Variants in COL6A3 observed in about 807,000 individuals in gnomAD.
The protein encoded by COL6A3 is collagen alpha-3(VI) chain.
In COL6A3, 137 loss-of-function variants were observed where a neutral mutation model predicts 274.1. The observed-to-expected ratio is 0.50, with a 90% CI of 0.44 to 0.58. The LOEUF (loss-of-function observed/expected upper bound fraction) is 0.58, where lower values mean the gene tolerates loss of function less well. Among genes scored for constraint, COL6A3 ranks in the 20% least tolerant of loss-of-function variants. The probability of loss-of-function intolerance (pLI) is 0.00; values close to 1 mark genes in which losing one functional copy is unlikely to be tolerated. For synonymous variants in COL6A3, 1,650 were observed against 1,650.6 expected (o/e 1.00, Z 0.01); for missense variants, 3,950 against 4,124.9 (o/e 0.96, Z 1.16).
rs977591902 is a variant in COL6A3 at position 237,324,158 on chromosome 2, A to G, written c.*616T>C. On this transcript the variant is annotated 3_prime_UTR_variant, in exon 44 of 44. Transcript: ENST00000295550. ...AGGAATGCCAAAAATATTCTCTATT[A>G]CAACTTTTTTAAATTCTTTAATTAA... The G allele has an allele frequency of 6.6e-6, 1 of 152,246 alleles. No homozygotes were observed. The highest frequency in any genetic ancestry group is 2.4e-5 in the African/African-American group (1 of 41,330). The allele number at this position is 152,246 out of a possible 1,614,324, so 9.4% of individuals were successfully genotyped here. A position where few individuals can be genotyped will look rare whatever the true frequency, so the allele number is the denominator to read the frequency against.
rs1448160267 is a variant in COL6A3 at position 237,381,223 on chromosome 2, T to G, written c.1589A>C (p.Asp530Ala). The G allele has an allele frequency of 6.2e-7, 1 of 1,614,096 alleles. No homozygotes were observed. Among genetic ancestry groups the G allele is most frequent in the Non-Finnish European group, 8.5e-7 (1 of 1,180,056 alleles). Residue 530 changes from aspartate to alanine, a missense_variant, in exon 5 of 44, where the codon GAC becomes GCC. By Grantham distance (126) the Asp-to-Ala change is moderately radical (BLOSUM62 -2). Transcript: ENST00000295550. Reference sequence around the variant, plus strand: ...CGTGAATAGGTTGTTACGAACAAAGTCTAGAGCAGAGCCCGTGTACAGGGC... The same window carrying G: ...CGTGAATAGGTTGTTACGAACAAAGGCTAGAGCAGAGCCCGTGTACAGGGC... ...GSALYTGSAL[D>A]FVRNNLFTSS...
In COL6A3 at chr2:237,381,471, G is replaced by A. The variant is rs1243506652; in HGVS notation, c.1341C>T (p.Val447=). ...GTGCAGATGAGCCATCCACCAGGAA[G>A]ACTATGTCTCTCTTGTTGACTTCAA... is the stretch of plus-strand genomic sequence containing the variant. ...QVIEVNKRDI[V]FLVDGSSALG... The change falls in exon 5 of 44, where the codon GTC becomes GTT. Residue 447 remains valine (V), a synonymous_variant. Transcript: ENST00000295550. 6.2e-7 allele frequency: 1 copy of A among 1,605,614 alleles called. No individual in the cohort carries two copies. The highest frequency in any genetic ancestry group is 8.5e-7 in the Non-Finnish European group (1 of 1,180,006).
At chr2:237,324,913 G>T in intron 43 of COL6A3, 99 bp from the exon 44 acceptor site, 1 of 1,234,068 alleles carries the variant, frequency 8.1e-7, no homozygotes, top group South Asian at 1.2e-5. Context: ...TCATTATCAT[G>T]ACACAGTCCC....
chr2:237,334,692 G>C lies in COL6A3; in HGVS notation c.9163C>G (p.His3055Asp). Residue 3055 changes from histidine to aspartate, a missense_variant, in exon 41 of 44, where the codon CAT (histidine) becomes GAT (aspartate). Transcript: ENST00000295550. ...IGGLLAGQTY[H>D]VAVVCYLRSQ... is the part of the protein sequence containing the mutation. ...CTCAGGTAGCAGACCACAGCCACAT[G>C]GTATGTCTGCCCAGCGAGCAGGCCT... 1 of 1,613,962 alleles carries C rather than the reference G, an allele frequency of 6.2e-7. No individual in the cohort carries two copies. Among genetic ancestry groups the C allele is most frequent in the Non-Finnish European group, 8.5e-7 (1 of 1,180,040 alleles).
At chr2:237,380,031 G>A (rs533767916) in intron 5 of COL6A3, among the ~76,000 whole-genome samples, 5 of 152,346 alleles carry the variant, frequency 3.3e-5, no homozygotes, top group Admixed American at 2.6e-4. Context: ...CTTCCCTGAT[G>A]CCCTACTGTA....
intron 25 of COL6A3, 80 bp from the exon 26 acceptor site, chr2:237,352,664 A>C: frequency 7.4e-7 from 1 of 1,354,208 alleles, no homozygotes; most frequent in South Asian, 1.2e-5. Flanking sequence ...TGCCCATCCC[A>C]CAGGGCCTGG....
Position 237,340,516 on chromosome 2 carries a change from C to T in COL6A3, c.8400G>A (p.Lys2800=), listed in dbSNP as rs750159070. 6.2e-7 allele frequency: 1 copy of T among 1,614,190 alleles called. No individual in the cohort carries two copies. The highest frequency in any genetic ancestry group is 1.7e-5 in the Admixed American group (1 of 60,028). The stretch of plus-strand genomic sequence containing the variant: ...AAGGCTCCTCGTTGAGCTCGGTGGA[C>T]TTGTCCACTAATTTGAAGAAGACGT... ...PNDVFFKLVD[K]STELNEEPLM... Residue 2800 remains lysine (K), a synonymous_variant, in exon 38 of 44, where the codon AAG becomes AAA. Coordinates refer to ENST00000295550, the MANE Select transcript of COL6A3 (RefSeq NM_004369.4).
At chr2:237,391,167 C>T (rs1001917206) in intron 3 of COL6A3, among the ~76,000 whole-genome samples, 1 of 152,162 alleles carries the variant, frequency 6.6e-6, no homozygotes, top group Non-Finnish European at 1.5e-5. Context: ...GATTATTATC[C>T]TATGTTTTTG....
chr2:237,341,825 G>GC (rs1233647108), intron 37 of COL6A3, among the ~76,000 whole-genome samples: 1 of 152,192 alleles, frequency 6.6e-6, no homozygotes, highest in Admixed American at 6.5e-5. Flanking sequence ...AGCAGAAACT[G>GC]CCTCCTCCTT....
intron 30 of COL6A3, among the ~76,000 whole-genome samples, chr2:237,348,117 G>C (rs532451811): frequency 1.6e-4 from 24 of 152,286 alleles, no homozygotes; most frequent in Admixed American, 1.4e-3. Context: ...AGAGTACTTT[G>C]ATTGCAGCAT....
chr2:237,389,161 G>T (rs534765157), intron 3 of COL6A3, among the ~76,000 whole-genome samples: 1 of 152,268 alleles, frequency 6.6e-6, no homozygotes, highest in South Asian at 2.1e-4. Flanking sequence ...ATGGCAAACA[G>T]AGAATTCCCA....
chr2:237,361,834 A>G lies in COL6A3; in HGVS notation c.6064-3T>C. On this transcript the variant is annotated splice_polypyrimidine_tract_variant and splice_region_variant and intron_variant, in intron 14 of 43. Coordinates refer to ENST00000295550, the MANE Select transcript of COL6A3 (RefSeq NM_004369.4). This position sits in a 1 kb window ranked among gnomAD's most constrained non-coding sequence, Gnocchi z 5.1. Reference sequence around the variant, plus strand: ...CAAGCTTTCTCGGCAATGTTGTCCTACCGAAAGGAAGAGAAACCAAATGTT... The same window carrying G: ...CAAGCTTTCTCGGCAATGTTGTCCTGCCGAAAGGAAGAGAAACCAAATGTT... The G allele has an allele frequency of 6.2e-7, 1 of 1,613,822 alleles. No individual in the cohort carries two copies. The highest frequency in any genetic ancestry group is 8.5e-7 in the Non-Finnish European group (1 of 1,179,726).
intron 25 of COL6A3, 102 bp from the exon 26 acceptor site, chr2:237,352,686 T>C: frequency 8.5e-7 from 1 of 1,170,336 alleles, no homozygotes; most frequent in Non-Finnish European, 1.3e-6. Context: ...ACCTCACTTC[T>C]GCTGGCCAAA....
chr2:237,348,034 T>C (rs1484424386), intron 30 of COL6A3, among the ~76,000 whole-genome samples, 165 bp from the exon 31 acceptor site: 1 of 152,226 alleles, frequency 6.6e-6, no homozygotes, highest in Admixed American at 6.5e-5. Context: ...ATATTTGTGG[T>C]ATTTGCAGAT....
chr2:237,388,056 G>T lies in COL6A3; in HGVS notation c.838C>A (p.Arg280=), dbSNP rs549047014. ...TCGCTAAACTGGACCACCCCCACTC[G>T]GATCTGCTGAGTTCCAATTGGGAGT... The part of the protein sequence containing the change: ...EKLPIGTQQI[R]VGVVQFSDEP... The change falls in exon 4 of 44, where the codon CGA becomes AGA. Residue 280 remains arginine (R), a synonymous_variant. Transcript: ENST00000295550. 1 of 1,614,198 alleles carries T rather than the reference G, an allele frequency of 6.2e-7. No individual in the cohort carries two copies. The highest frequency in any genetic ancestry group is 1.7e-5 in the Admixed American group (1 of 60,018).
Position 237,341,008 on chromosome 2 carries a change from A to G in COL6A3, c.7908T>C (p.Asn2636=), listed in dbSNP as rs886044691. The change falls in exon 38 of 44, where the codon AAT becomes AAC. Residue 2636 remains asparagine, a synonymous_variant. Coordinates refer to ENST00000295550, the MANE Select transcript of COL6A3 (RefSeq NM_004369.4). ...SAETTTLFQF[N]EMKKYIAYLV... ...GGTACGCTATGTACTTCTTCATCTC[A>G]TTGAACTGGAACAGGGTGGTGGTCT... 2.5e-6 allele frequency: 4 copies of G among 1,611,322 alleles called. No individual in the cohort carries two copies. The highest frequency in any genetic ancestry group is 3.4e-6 in the Non-Finnish European group (4 of 1,177,486).
rs769667715 is a variant in COL6A3 at position 237,376,833 on chromosome 2, T to A, written c.3009A>T (p.Gly1003=). The change falls in exon 7 of 44, where the codon GGA becomes GGT. Residue 1003 remains glycine, a synonymous_variant. Transcript: ENST00000295550. ...ILAAESLPKI[G]DLHPQIVNLL... Reference sequence around the variant, plus strand: ...GATTCACTATCTGTGGATGAAGATCTCCAATCTTGGGAAGCGACTCTGCAG... The same window carrying A: ...GATTCACTATCTGTGGATGAAGATCACCAATCTTGGGAAGCGACTCTGCAG... The A allele has an allele frequency of 6.7e-5, 108 of 1,614,022 alleles. 2 individuals are homozygous for A. In the South Asian group the frequency reaches 1.2e-3, roughly 17 times the overall value.
rs533976271 is a variant in COL6A3, at chr2:237,385,895, G to A, written c.1312+1687C>T. Among the ~76,000 whole-genome samples, 24 of 152,208 alleles carry A rather than the reference G, an allele frequency of 1.6e-4. No individual in the cohort carries two copies. In the South Asian group the frequency reaches 4.6e-3, roughly 29 times the overall value. ...TCTGGAGGATTTGGGCCAATTTTATGGTCCCATCAAGTGAGAGGAAAAGCT... is the reference window on the plus strand; with the variant it reads ...TCTGGAGGATTTGGGCCAATTTTATAGTCCCATCAAGTGAGAGGAAAAGCT... On this transcript the variant is annotated intron_variant, in intron 4 of 43. Coordinates refer to ENST00000295550, the MANE Select transcript of COL6A3 (RefSeq NM_004369.4).
In COL6A3 at chr2:237,353,468, C is replaced by T. The variant is rs1423430888; in HGVS notation, c.6628-65G>A. The T allele has an allele frequency of 2.1e-6, 3 of 1,419,434 alleles. No homozygotes were observed. In the Admixed American group the frequency reaches 5.1e-5, roughly 24 times the overall value. The allele number at this position is 1,419,434 out of a possible 1,614,324, so 87.9% of individuals were successfully genotyped here. On this transcript the variant is annotated intron_variant, in intron 24 of 43. Transcript: ENST00000295550. ...TTCCTGTCAATGTCAGCTCTTTGCT[C>T]TACAGTCATTTCTGGGCCAGGGACT...
Sources: gnomAD v4.1 joint callset for allele counts (sites outside exome capture counted in the v4.1 genomes callset) on GRCh38, gnomAD v4.1.1 for gene constraint, Gnocchi (gnomAD v3.1) non-coding constraint, MANE v1.5 for transcripts, NCBI Gene and HGNC (gene_info 2026-07-23, HGNC 2026-07-21) for gene names.